The following RSPO2 variants were observed in gnomAD, a reference collection of about 807,000 sequenced individuals.
RSPO2 encodes R-spondin-2.
Under a neutral mutation model 30.9 loss-of-function variants are expected in RSPO2, and 14 were observed. The ratio of observed to expected loss-of-function variants is 0.45; its 90% CI spans 0.30 to 0.71. The LOEUF is 0.71. Ranked by LOEUF, RSPO2 falls within the 30% of genes least tolerant of loss-of-function variation. The probability of loss-of-function intolerance (pLI) is 0.08; values close to 1 mark genes in which losing one functional copy is unlikely to be tolerated. For synonymous variants in RSPO2, 107 were observed against 96.4 expected (o/e 1.11, Z -0.64); for missense variants, 264 against 301.9 (o/e 0.87, Z 0.93).
intron 2 of RSPO2, among the ~76,000 whole-genome samples, chr8:107,990,839 C>T (rs1476842339): frequency 3.3e-5 from 5 of 152,138 alleles, no homozygotes; most frequent in Non-Finnish European, 7.4e-5. Flanking sequence ...CAGCATGGTA[C>T]TGATACAAGA....
At chr8:107,906,392 T>A (rs1811646299) in intron 5 of RSPO2, among the ~76,000 whole-genome samples, 1 of 151,412 alleles carries the variant, frequency 6.6e-6, no homozygotes, top group Admixed American at 6.6e-5. Flanking sequence ...TAGCATTTTA[T>A]ATTTTTATAT....
Position 108,035,514 on chromosome 8 carries a change from A to G in RSPO2, c.95-46270T>C, listed in dbSNP as rs563897356. On this transcript the variant is annotated intron_variant, in intron 2 of 5. Transcript: ENST00000276659. ...GAGACGGAGTCTCGCTCTGTTGCGC[A>G]GGCTGGAGTGCAGTGGCGCGATCTT... is the stretch of plus-strand genomic sequence containing the variant. Among the ~76,000 whole-genome samples the G allele has an allele frequency of 9.2e-5, 14 of 152,198 alleles. No homozygotes were observed. In the East Asian group the frequency reaches 2.5e-3, roughly 27 times the overall value.
intron 2 of RSPO2, among the ~76,000 whole-genome samples, chr8:108,050,790 A>C (rs1304321233): frequency 2.0e-5 from 3 of 152,122 alleles, no homozygotes; most frequent in Non-Finnish European, 2.9e-5. Context: ...TGAGGCAGGG[A>C]AAGAAGTGGC....
intron 2 of RSPO2, among the ~76,000 whole-genome samples, chr8:108,070,256 G>A (rs1812795849): frequency 6.7e-6 from 1 of 149,492 alleles, no homozygotes; most frequent in Non-Finnish European, 1.5e-5. Context: ...CCCAGCCTGG[G>A]CAACACAGCA....
intron 3 of RSPO2, among the ~76,000 whole-genome samples, chr8:107,982,785 C>A (rs1814490517): frequency 1.3e-5 from 2 of 152,172 alleles, no homozygotes; most frequent in Non-Finnish European, 2.9e-5. Flanking sequence ...CTTACTTCTC[C>A]GCAAGCCTTC....
At chr8:108,023,034 C>T (rs976937179) in intron 2 of RSPO2, among the ~76,000 whole-genome samples, 2 of 151,540 alleles carry the variant, frequency 1.3e-5, no homozygotes, top group Admixed American at 1.3e-4. Flanking sequence ...CCCCACACAC[C>T]TGAGGATATA....
intron 3 of RSPO2, among the ~76,000 whole-genome samples, chr8:107,967,920 AT>A (rs1003290034): frequency 2.0e-5 from 3 of 152,176 alleles, no homozygotes; most frequent in Admixed American, 6.6e-5. Context: ...GTCCTCATGT[AT>A]TTTTTTAAAG....
intron 2 of RSPO2, among the ~76,000 whole-genome samples, chr8:108,028,103 C>T (rs1044625115): frequency 3.3e-5 from 5 of 152,072 alleles, no homozygotes; most frequent in East Asian, 1.9e-4. Flanking sequence ...CAGGACTGGG[C>T]GGTTCCCAGG....
chr8:108,062,473 C>T (rs1812502447), intron 2 of RSPO2, among the ~76,000 whole-genome samples: 1 of 151,744 alleles, frequency 6.6e-6, no homozygotes, highest in African/African-American at 2.4e-5. Flanking sequence ...TACACCCTCC[C>T]AAGACTAAAC....
intron 2 of RSPO2, among the ~76,000 whole-genome samples, chr8:108,045,851 A>G (rs1357003588): frequency 1.3e-5 from 2 of 152,104 alleles, no homozygotes; most frequent in African/African-American, 4.8e-5. Flanking sequence ...CAGAGTCGAC[A>G]CTCCGGAATA....
chr8:107,943,510 A>G (rs1268267376), intron 5 of RSPO2, among the ~76,000 whole-genome samples: 8 of 152,210 alleles, frequency 5.3e-5, no homozygotes, highest in Non-Finnish European at 8.8e-5. Flanking sequence ...TTGCAACTAG[A>G]CATGCTCACG....
At chr8:108,019,739 A>G (rs1428219004) in intron 2 of RSPO2, among the ~76,000 whole-genome samples, 3 of 152,190 alleles carry the variant, frequency 2.0e-5, no homozygotes. Context: ...GCACCTGCTG[A>G]TTGAGTGCTT....
intron 5 of RSPO2, among the ~76,000 whole-genome samples, chr8:107,926,541 C>T (rs141514514): frequency 1.3e-5 from 2 of 151,994 alleles, no homozygotes; most frequent in African/African-American, 2.4e-5. Context: ...TTAGGTCTAA[C>T]GTTTAAGTCT....
At chr8:108,055,755 T>C (rs986414434) in intron 2 of RSPO2, among the ~76,000 whole-genome samples, 4 of 152,196 alleles carry the variant, frequency 2.6e-5, no homozygotes, top group African/African-American at 9.7e-5. Flanking sequence ...AGATGTTTAT[T>C]TTTATCCACA....
At position 107,954,878 on chromosome 8, in the gene RSPO2, G is replaced by A. The variant is rs556220263; in HGVS notation, c.616+3202C>T. Among the ~76,000 whole-genome samples, 7 of 151,502 alleles carry A rather than the reference G, an allele frequency of 4.6e-5. 1 individual carries two copies. The East Asian group carries it at 1.2e-3, about 25-fold the overall frequency. Reference sequence around the variant, plus strand: ...CCTGTCTTGGCCTCCCAAAATGCTGGGATTACAGGCGTGAGCCATTGCGCC... The same window carrying A: ...CCTGTCTTGGCCTCCCAAAATGCTGAGATTACAGGCGTGAGCCATTGCGCC... On this transcript the variant is annotated intron_variant, in intron 5 of 5. Transcript: ENST00000276659.
rs144337498 is a variant in RSPO2, at chr8:107,979,910, C to T, written c.283+9146G>A. Reference sequence around the variant, plus strand: ...CTCTGGCTCTCTGCTCAACCTATTTCCCCTGGTGACATCAGATGACATTCT... The same window carrying T: ...CTCTGGCTCTCTGCTCAACCTATTTTCCCTGGTGACATCAGATGACATTCT... On this transcript the variant is annotated intron_variant, in intron 3 of 5. Coordinates refer to ENST00000276659, the MANE Select transcript of RSPO2 (RefSeq NM_178565.5). Among the ~76,000 whole-genome samples the T allele has an allele frequency of 1.1e-3, 174 of 152,290 alleles. 1 individual carries two copies. Among genetic ancestry groups the T allele is most frequent in the African/African-American group, 4.0e-3 (166 of 41,572 alleles).
At chr8:108,063,863 G>T (rs978351899) in intron 2 of RSPO2, among the ~76,000 whole-genome samples, 10 of 152,258 alleles carry the variant, frequency 6.6e-5, no homozygotes, top group African/African-American at 2.4e-4. Flanking sequence ...AGAGCCCTCA[G>T]AAATAATGCC....
intron 2 of RSPO2, among the ~76,000 whole-genome samples, chr8:108,053,981 G>A (rs1049385921): frequency 2.6e-5 from 4 of 152,052 alleles, no homozygotes; most frequent in Admixed American, 6.6e-5. Flanking sequence ...TTTGAACCCC[G>A]AATGTATTTC....
chr8:108,076,804 T>C (rs1813028487), intron 2 of RSPO2, among the ~76,000 whole-genome samples: 1 of 151,998 alleles, frequency 6.6e-6, no homozygotes, highest in South Asian at 2.1e-4. Flanking sequence ...ATTAAAGGAC[T>C]TTATGTAGAA....
Sources: allele counts gnomAD v4.1 joint callset (sites outside exome capture counted in the v4.1 genomes callset), GRCh38; gene constraint gnomAD v4.1.1; transcripts MANE v1.5; gene names NCBI Gene and HGNC (gene_info 2026-07-23, HGNC 2026-07-21).